OXR1: variants seen among roughly 807,000 people sequenced by gnomAD.
OXR1 encodes the protein oxidation resistance 1.
OXR1 carries 41 observed loss-of-function variants against 104.6 expected under a neutral mutation model. The observed-to-expected ratio is 0.39, with a 90% CI of 0.31 to 0.51. The LOEUF (loss-of-function observed/expected upper bound fraction) is 0.51, where lower values mean the gene tolerates loss of function less well. Among genes scored for constraint, OXR1 ranks in the 20% least tolerant of loss-of-function variants. The pLI, the probability that OXR1 is intolerant of heterozygous loss-of-function variation, is 0.77. For synonymous variants in OXR1, 348 were observed against 348.4 expected (o/e 1.00, Z 0.01); for missense variants, 955 against 1,031.9 (o/e 0.93, Z 1.02).
intron 3 of OXR1, among the ~76,000 whole-genome samples, chr8:106,537,260 G>T (rs1197198465): frequency 1.3e-5 from 2 of 152,138 alleles, no homozygotes; most frequent in African/African-American, 4.8e-5. Context: ...ATCCATAGCA[G>T]CAATGCATTA....
intron 6 of OXR1, among the ~76,000 whole-genome samples, chr8:106,685,255 A>G (rs1004672935): frequency 6.6e-6 from 1 of 152,170 alleles, no homozygotes; most frequent in African/African-American, 2.4e-5. Context: ...CCATTTTCCC[A>G]TGGGACTTAC....
chr8:106,446,457 A>C (rs1820015348), intron 2 of OXR1, among the ~76,000 whole-genome samples: 1 of 152,024 alleles, frequency 6.6e-6, no homozygotes, highest in Non-Finnish European at 1.5e-5. Context: ...TTCTCTACTA[A>C]AAATGCAAAA....
chr8:106,726,035 C>G (rs1040485194), intron 11 of OXR1: 7 of 632,368 alleles, frequency 1.1e-5, no homozygotes, highest in African/African-American at 9.7e-5. Flanking sequence ...CCCTCCCCAG[C>G]TTTACAGCCT....
chr8:106,321,536 C>G (rs560155678), intron 1 of OXR1, among the ~76,000 whole-genome samples: 2 of 152,048 alleles, frequency 1.3e-5, no homozygotes, highest in African/African-American at 4.8e-5. Context: ...ACATTTGACA[C>G]CAGTTTCTGA....
At chr8:106,624,447 C>T (rs551310928) in intron 3 of OXR1, among the ~76,000 whole-genome samples, 12 of 152,092 alleles carry the variant, frequency 7.9e-5, no homozygotes, top group South Asian at 6.2e-4. Flanking sequence ...AAACAAGGAT[C>T]GGGAAGAATA....
intron 2 of OXR1, among the ~76,000 whole-genome samples, chr8:106,385,159 G>A (rs945083161): frequency 6.6e-6 from 1 of 152,172 alleles, no homozygotes; most frequent in Admixed American, 6.5e-5. Flanking sequence ...ACATCCTAGG[G>A]CAGGACTGTG....
intron 1 of OXR1, among the ~76,000 whole-genome samples, chr8:106,325,540 C>T (rs1342943629): frequency 6.6e-6 from 1 of 152,124 alleles, no homozygotes; most frequent in Admixed American, 6.5e-5. Context: ...CCTAGGGTTG[C>T]TGTGAAGGTT....
intron 1 of OXR1, 114 bp from the exon 2 acceptor site, chr8:106,359,362 A>G: frequency 2.5e-6 from 1 of 407,966 alleles, no homozygotes; most frequent in Non-Finnish European, 4.4e-6. Flanking sequence ...AAAAGATCAT[A>G]TTTTTTGTGT....
At chr8:106,733,836 AAAAAAG>A (rs1432192153) in intron 11 of OXR1, among the ~76,000 whole-genome samples, 1 of 151,308 alleles carries the variant, frequency 6.6e-6, no homozygotes, top group African/African-American at 2.4e-5. Flanking sequence ...AAAAAAAAAA[AAAAAAG>A]AAAAGAAAAA....
intron 3 of OXR1, chr8:106,618,133 G>C: frequency 6.5e-7 from 1 of 1,536,040 alleles, no homozygotes; most frequent in South Asian, 1.2e-5. Flanking sequence ...CTCACTGCTA[G>C]CTGAGCAAGG....
At chr8:106,629,978 G>A (rs988153566) in intron 3 of OXR1, among the ~76,000 whole-genome samples, 1 of 152,110 alleles carries the variant, frequency 6.6e-6, no homozygotes, top group African/African-American at 2.4e-5. Context: ...TCTTTCTTAA[G>A]AGAGAGAAAC....
chr8:106,532,115 T>A (rs2130246476), intron 3 of OXR1, among the ~76,000 whole-genome samples: 1 of 152,186 alleles, frequency 6.6e-6, no homozygotes. Flanking sequence ...GGAGAGGGAG[T>A]CTTGTGTGCT....
At chr8:106,645,360 T>C (rs1035024256) in intron 3 of OXR1, among the ~76,000 whole-genome samples, 1 of 152,128 alleles carries the variant, frequency 6.6e-6, no homozygotes, top group African/African-American at 2.4e-5. Context: ...TTGGCACCCA[T>C]ATGAGTCTGT....
At chr8:106,616,034 T>C (rs1413300562) in intron 3 of OXR1, among the ~76,000 whole-genome samples, 17 of 127,360 alleles carry the variant, frequency 1.3e-4, no homozygotes, top group Non-Finnish European at 2.3e-4. Flanking sequence ...CACCTTCTTT[T>C]TTTTTTTTTT....
chr8:106,547,605 T>C (rs1815470483), intron 3 of OXR1, among the ~76,000 whole-genome samples: 1 of 151,436 alleles, frequency 6.6e-6, no homozygotes, highest in Non-Finnish European at 1.5e-5. Flanking sequence ...GCGATTCTTC[T>C]GCCCAGCCTC....
intron 12 of OXR1, among the ~76,000 whole-genome samples, chr8:106,738,815 T>G (rs182664178): frequency 6.6e-6 from 1 of 151,940 alleles, no homozygotes; most frequent in Non-Finnish European, 1.5e-5. Flanking sequence ...AAAAATAAAT[T>G]TATGAACAAA....
rs559594762 is a variant in OXR1 at position 106,397,066 on chromosome 8, T to C, written c.23+37430T>C. Among the ~76,000 whole-genome samples the C allele has an allele frequency of 2.0e-5, 3 of 152,242 alleles. No homozygotes were observed. In the East Asian group the frequency reaches 5.8e-4, roughly 29 times the overall value. On this transcript the variant is annotated intron_variant, in intron 2 of 16. Transcript: ENST00000517566. ...AATATGTATGTGTAAATTATTCATA[T>C]TGCATTGAGTATCCTGGAAAGTTTG...
chr8:106,412,121 T>C lies in OXR1; in HGVS notation c.23+52485T>C, dbSNP rs147063958. 1.2e-3 allele frequency among the ~76,000 whole-genome samples: 181 copies of C among 152,304 alleles called. 4 individuals are homozygous for C. The highest frequency in any genetic ancestry group is 4.0e-3 in the African/African-American group (167 of 41,580). ...TCAAAAATGTTACCTGCATTTAAAT[T>C]ATTGTTTTGTTAGGTAATTCTCACA... On this transcript the variant is annotated intron_variant, in intron 2 of 16. Transcript: ENST00000517566.
intron 3 of OXR1, among the ~76,000 whole-genome samples, chr8:106,629,807 C>G (rs757540926): frequency 5.3e-5 from 8 of 151,794 alleles, no homozygotes; most frequent in Admixed American, 1.3e-4. Context: ...TAACAAACTG[C>G]TCTTTAAAAA....
Sources: gnomAD v4.1 joint callset for allele counts (sites outside exome capture counted in the v4.1 genomes callset) on GRCh38, gnomAD v4.1.1 for gene constraint, MANE v1.5 for transcripts, NCBI Gene and HGNC (gene_info 2026-07-23, HGNC 2026-07-21) for gene names.